The following CNTN3 variants were observed in gnomAD, a reference collection of about 807,000 sequenced individuals.
The protein encoded by CNTN3 is contactin-3.
In CNTN3, 60 loss-of-function variants were observed where a neutral mutation model predicts 119.1. That is an observed-to-expected ratio of 0.50 (90% CI 0.41 to 0.62). The LOEUF is 0.62. Among genes scored for constraint, CNTN3 ranks in the 20% least tolerant of loss-of-function variants. CNTN3 has a pLI of 0.00. For missense variants in CNTN3, 1,101 were observed against 1,242.4 expected (o/e 0.89, Z 1.71); for synonymous variants, 450 against 438.7 (o/e 1.03, Z -0.32).
At chr3:74,271,996 G>C (rs903103533) in intron 20 of CNTN3, among the ~76,000 whole-genome samples, 4 of 152,070 alleles carry the variant, frequency 2.6e-5, no homozygotes, top group African/African-American at 9.7e-5. Context: ...TCGACGTCTA[G>C]GAATTTCCTT....
chr3:74,367,197 A>C (rs1704217895), intron 8 of CNTN3, among the ~76,000 whole-genome samples: 1 of 152,048 alleles, frequency 6.6e-6, no homozygotes, highest in Admixed American at 6.6e-5. Context: ...TTAAATAGAA[A>C]TTGTAAGGCA....
At position 74,603,625 on chromosome 3, in the gene CNTN3, CT is replaced by C. The variant is rs968763726; in HGVS notation, c.-81+10765del. ...TCTCACATTTTTAAGCAGTTACTTA[CT>C]TTTTTTAAGTACTTTTTTTATACTG... On this transcript the variant is annotated intron_variant, in intron 1 of 22. Coordinates refer to ENST00000263665, the MANE Select transcript of CNTN3 (RefSeq NM_020872.3). Among the ~76,000 whole-genome samples the C allele has an allele frequency of 4.7e-4, 72 of 152,100 alleles. 1 individual carries two copies. The highest frequency in any genetic ancestry group is 1.7e-3 in the African/African-American group (70 of 41,498).
intron 4 of CNTN3, among the ~76,000 whole-genome samples, chr3:74,450,502 G>GTT (rs35264458): frequency 7.8e-6 from 1 of 128,194 alleles, no homozygotes. Context: ...CTGAAGCCCT[G>GTT]TTTTTTTTTT....
intron 18 of CNTN3, 42 bp downstream of exon 18, chr3:74,297,914 AT>A (rs769314451): frequency 6.9e-7 from 1 of 1,449,638 alleles, no homozygotes; most frequent in Non-Finnish European, 9.5e-7. Context: ...AGCACAAATA[AT>A]TATTATTAGG....
intron 2 of CNTN3, among the ~76,000 whole-genome samples, chr3:74,501,944 T>A (rs541688454): frequency 1.3e-5 from 2 of 152,110 alleles, no homozygotes; most frequent in Non-Finnish European, 2.9e-5. Context: ...ATAGAAATAA[T>A]AAGTAAAAAC....
intron 13 of CNTN3, among the ~76,000 whole-genome samples, chr3:74,326,122 T>TCC (rs1050659076): frequency 2.0e-5 from 3 of 152,126 alleles, no homozygotes; most frequent in Non-Finnish European, 4.4e-5. Flanking sequence ...CATGTTTCTT[T>TCC]CCCCCTCTCT....
At chr3:74,298,337 A>C in intron 17 of CNTN3, 146 bp from the exon 18 acceptor site, 1 of 479,878 alleles carries the variant, frequency 2.1e-6, no homozygotes, top group South Asian at 6.1e-5. Flanking sequence ...AAAGGAGAAA[A>C]ACATCAGCAG....
Position 74,614,465 on chromosome 3 carries a change from A to G in CNTN3, c.-155T>C, listed in dbSNP as rs540003516. 2.1e-3 allele frequency among the ~76,000 whole-genome samples: 185 copies of G among 89,524 alleles called. No individual in the cohort carries two copies. Among genetic ancestry groups the G allele is most frequent in the East Asian group, 6.1e-3 (22 of 3,584 alleles). The allele number at this position is 89,524 out of a possible 152,430, so 58.7% of individuals were successfully genotyped here. ...CGCCGCCGCCGCCGCCGCCGCCGCC[A>G]CCGCCGCCGCCGCAGTTAGTCCGGG... On this transcript the variant is annotated 5_prime_UTR_variant, in exon 1 of 23. Transcript: ENST00000263665.
At chr3:74,406,468 T>C (rs1466833653) in intron 5 of CNTN3, among the ~76,000 whole-genome samples, 1 of 152,044 alleles carries the variant, frequency 6.6e-6, no homozygotes, top group Non-Finnish European at 1.5e-5. Flanking sequence ...TTAAACATGC[T>C]AAATTTTCTA....
At chr3:74,566,036 C>A (rs1704221016) in intron 1 of CNTN3, among the ~76,000 whole-genome samples, 1 of 152,160 alleles carries the variant, frequency 6.6e-6, no homozygotes, top group Admixed American at 6.6e-5. Flanking sequence ...ATGCCTTGCT[C>A]TTCTGCTATG....
At chr3:74,561,517 C>T (rs768668359) in intron 1 of CNTN3, among the ~76,000 whole-genome samples, 8 of 152,108 alleles carry the variant, frequency 5.3e-5, no homozygotes, top group Non-Finnish European at 1.2e-4. Flanking sequence ...TGAAGTCTAT[C>T]TACAAAGCTC....
intron 1 of CNTN3, among the ~76,000 whole-genome samples, chr3:74,548,565 AATTTTT>A (rs1434069401): frequency 6.6e-6 from 1 of 150,994 alleles, no homozygotes; most frequent in Non-Finnish European, 1.5e-5. Flanking sequence ...GCTAAATTTT[AATTTTT>A]AATATTTTGG....
chr3:74,273,514 T>TC (rs1701821943), intron 20 of CNTN3, among the ~76,000 whole-genome samples: 1 of 151,600 alleles, frequency 6.6e-6, no homozygotes, highest in Non-Finnish European at 1.5e-5. Flanking sequence ...GAAAGGGAGG[T>TC]CCTCCACCCC....
At chr3:74,406,980 G>A (rs1705340399) in intron 5 of CNTN3, among the ~76,000 whole-genome samples, 1 of 151,920 alleles carries the variant, frequency 6.6e-6, no homozygotes, top group Admixed American at 6.6e-5. Flanking sequence ...AGTATAAAAA[G>A]GAATAAAAGA....
At chr3:74,610,369 A>G (rs1705060780) in intron 1 of CNTN3, among the ~76,000 whole-genome samples, 1 of 151,668 alleles carries the variant, frequency 6.6e-6, no homozygotes, top group African/African-American at 2.4e-5. Context: ...GTGTGTGTGC[A>G]CACGTGTGTG....
At chr3:74,579,071 C>A (rs1236454163) in intron 1 of CNTN3, among the ~76,000 whole-genome samples, 1 of 151,746 alleles carries the variant, frequency 6.6e-6, no homozygotes, top group Non-Finnish European at 1.5e-5. Flanking sequence ...GAAAAAATTT[C>A]CATGTAAACA....
At chr3:74,523,611 A>T (rs1473349922) in intron 1 of CNTN3, among the ~76,000 whole-genome samples, 1 of 151,894 alleles carries the variant, frequency 6.6e-6, no homozygotes, top group East Asian at 1.9e-4. Flanking sequence ...TAACAGAATA[A>T]CAGACTTAAA....
intron 5 of CNTN3, among the ~76,000 whole-genome samples, chr3:74,414,604 T>G (rs2106876575): frequency 6.6e-6 from 1 of 152,276 alleles, no homozygotes; most frequent in East Asian, 1.9e-4. Context: ...CTGTGGAATC[T>G]ACATTTTAAA....
chr3:74,462,082 T>C (rs1221696612), intron 4 of CNTN3, among the ~76,000 whole-genome samples: 1 of 151,960 alleles, frequency 6.6e-6, no homozygotes, highest in Non-Finnish European at 1.5e-5. Flanking sequence ...AGTTCTTAGA[T>C]CTAGTTGTTT....
Sources: gnomAD v4.1 joint callset for allele counts (sites outside exome capture counted in the v4.1 genomes callset) on GRCh38, gnomAD v4.1.1 for gene constraint, MANE v1.5 for transcripts, NCBI Gene and HGNC (gene_info 2026-07-23, HGNC 2026-07-21) for gene names.